Variants in UBE3A observed in about 807,000 individuals in gnomAD.
The protein encoded by UBE3A is ubiquitin-protein ligase E3A.
In UBE3A, 6 loss-of-function variants were observed where a neutral mutation model predicts 83.4. That is an observed-to-expected ratio of 0.07 (90% CI 0.04 to 0.14). UBE3A has a LOEUF of 0.14. Among genes scored for constraint, UBE3A ranks in the 10% least tolerant of loss-of-function variants. The pLI is 1.00. For synonymous variants in UBE3A, 337 were observed against 355.4 expected (o/e 0.95, Z 0.58); for missense variants, 456 against 1,036.1 (o/e 0.44, Z 7.69).
intron 4 of UBE3A, among the ~76,000 whole-genome samples, chr15:25,381,467 G>T (rs954860483): frequency 6.6e-6 from 1 of 151,874 alleles, no homozygotes; most frequent in African/African-American, 2.4e-5. Context: ...AAAAACTAAT[G>T]GTGAACAAAG....
intron 6 of UBE3A, among the ~76,000 whole-genome samples, chr15:25,364,892 C>T (rs546853037): frequency 2.4e-4 from 36 of 151,742 alleles, no homozygotes; most frequent in African/African-American, 8.7e-4. Flanking sequence ...GTGATCTGCC[C>T]GCCTTGGCCT....
rs11413336 is a variant in UBE3A at position 25,406,856 on chromosome 15, G to GAAAAAAAAAAAAAAAAA, written c.21-1371_21-1355dup. Among the ~76,000 whole-genome samples the GAAAAAAAAAAAAAAAAA allele has an allele frequency of 4.4e-5, 5 of 114,682 alleles. 1 individual carries two copies. The highest frequency in any genetic ancestry group is 5.0e-5 in the Non-Finnish European group (3 of 59,794). 75.2% of individuals were successfully genotyped at this position (114,682 alleles called of 152,430 possible). Reference sequence around the variant, plus strand: ...GATTCCAAGGACAAGAATGGAAAAGGAAAAAAAAAAAAAAAAAAGACTCCA... The same window carrying GAAAAAAAAAAAAAAAAA: ...GATTCCAAGGACAAGAATGGAAAAGGAAAAAAAAAAAAAAAAAAAAAAAAAAAAAAAAAAAGACTCCA... On this transcript the variant is annotated intron_variant, in intron 3 of 12. Transcript: ENST00000648336.
At chr15:25,382,002 A>G (rs1222831551) in intron 4 of UBE3A, among the ~76,000 whole-genome samples, 1 of 152,248 alleles carries the variant, frequency 6.6e-6, no homozygotes, top group Admixed American at 6.5e-5. Context: ...GTTGTTTGAA[A>G]TATAGGTTAA....
chr15:25,344,983 C>T (rs1028536400), intron 11 of UBE3A, among the ~76,000 whole-genome samples: 2 of 152,034 alleles, frequency 1.3e-5, no homozygotes, highest in African/African-American at 4.8e-5. Flanking sequence ...TTTATTCCCT[C>T]CCAACCTCCC....
chr15:25,345,546 G>A (rs2075536436), intron 11 of UBE3A: 1 of 142,320 alleles, frequency 7.0e-6, no homozygotes, highest in Non-Finnish European at 1.5e-5. Context: ...CCTCGTCCAA[G>A]TATGAGAAAC....
At position 25,360,498 on chromosome 15, in the gene UBE3A, T is replaced by C; in HGVS notation, c.1638A>G (p.Ala546=). 6.2e-7 allele frequency: 1 copy of C among 1,613,818 alleles called. No individual in the cohort carries two copies. The highest frequency in any genetic ancestry group is 8.5e-7 in the Non-Finnish European group (1 of 1,179,924). ...CCACATACAACTGCTTCTTCAAGTC[T>C]GCAGGATTTTCCATAGCGATCATCT... is the stretch of plus-strand genomic sequence containing the variant. ...RLEMIAMENP[A]DLKKQLYVEF... is the part of the protein sequence containing the mutation. Residue 546 remains alanine, a synonymous_variant, in exon 7 of 13, where the codon GCA becomes GCG. Transcript: ENST00000648336.
At chr15:25,416,788 A>G (rs1887083374) in intron 1 of UBE3A, among the ~76,000 whole-genome samples, 1 of 152,148 alleles carries the variant, frequency 6.6e-6, no homozygotes, top group African/African-American at 2.4e-5. Flanking sequence ...GACCTTGGAT[A>G]ACAGGCAGCA....
rs772950131 is a variant in UBE3A at position 25,334,745 on chromosome 15, A to G, written c.*4392T>C. ...TAAGACTGAGAATCCAGAAAGTCTT[A>G]TATTTATGGTCAACTGTTCTTTGAC... On this transcript the variant is annotated 3_prime_UTR_variant, in exon 13 of 13. Coordinates refer to ENST00000648336, the MANE Select transcript of UBE3A (RefSeq NM_130839.5). 4.6e-5 allele frequency: 7 copies of G among 152,246 alleles called. No individual in the cohort carries two copies. Among genetic ancestry groups the G allele is most frequent in the East Asian group, 1.9e-4 (1 of 5,198 alleles). The allele number at this position is 152,246 out of a possible 1,614,324, so 9.4% of individuals were successfully genotyped here. A position where few individuals can be genotyped will look rare whatever the true frequency, so the allele number is the denominator to read the frequency against.
In UBE3A at chr15:25,338,518, T is replaced by A. The variant is rs891695372; in HGVS notation, c.*619A>T. ...TCCAATTTCTCCCTTCCTTCCATCTTTCTTTATTGATTGATTCTCAAGATT... is the reference window on the plus strand; with the variant it reads ...TCCAATTTCTCCCTTCCTTCCATCTATCTTTATTGATTGATTCTCAAGATT... On this transcript the variant is annotated 3_prime_UTR_variant, in exon 13 of 13. Transcript: ENST00000648336. 2.6e-4 allele frequency: 40 copies of A among 152,124 alleles called. No individual in the cohort carries two copies. Among genetic ancestry groups the A allele is most frequent in the African/African-American group, 9.4e-4 (39 of 41,426 alleles). The allele number at this position is 152,124 out of a possible 1,614,324, so 9.4% of individuals were successfully genotyped here. A position where few individuals can be genotyped will look rare whatever the true frequency, so the allele number is the denominator to read the frequency against.
At chr15:25,421,016 C>A (rs960188265) in intron 1 of UBE3A, among the ~76,000 whole-genome samples, 4 of 152,194 alleles carry the variant, frequency 2.6e-5, no homozygotes, top group African/African-American at 9.6e-5. Flanking sequence ...CATGAATGAA[C>A]TTTGATGACT....
At chr15:25,351,008 AAACT>A (rs1359548099) in intron 11 of UBE3A, among the ~76,000 whole-genome samples, 1 of 152,220 alleles carries the variant, frequency 6.6e-6, no homozygotes. Flanking sequence ...TAATTTTTAA[AAACT>A]AACCCAATTA....
chr15:25,416,858 G>A (rs1025512121), intron 1 of UBE3A, among the ~76,000 whole-genome samples: 1 of 152,126 alleles, frequency 6.6e-6, no homozygotes, highest in Admixed American at 6.5e-5. Flanking sequence ...CTGCTTGGAT[G>A]TCTGCCTGGA....
At chr15:25,362,406 CACTT>C (rs924015180) in intron 6 of UBE3A, among the ~76,000 whole-genome samples, 24 of 152,318 alleles carry the variant, frequency 1.6e-4, no homozygotes, top group Admixed American at 5.2e-4. Context: ...TCCCAACTCT[CACTT>C]ACCATAACTT....
chr15:25,395,575 T>C (rs1449412432), intron 4 of UBE3A, among the ~76,000 whole-genome samples: 1 of 152,282 alleles, frequency 6.6e-6, no homozygotes, highest in East Asian at 1.9e-4. Flanking sequence ...AAGCTGTTAT[T>C]GACTGAGATG....
At chr15:25,410,775 A>C (rs557522899) in intron 2 of UBE3A, among the ~76,000 whole-genome samples, 1 of 152,274 alleles carries the variant, frequency 6.6e-6, no homozygotes, top group South Asian at 2.1e-4. Flanking sequence ...GAAATAACGC[A>C]ATCTCCCAGA....
At chr15:25,419,947 T>A (rs990295758) in intron 1 of UBE3A, among the ~76,000 whole-genome samples, 2 of 151,946 alleles carry the variant, frequency 1.3e-5, no homozygotes, top group Non-Finnish European at 1.5e-5. Context: ...AAATGCTCCA[T>A]TAACCGAAAA....
At chr15:25,414,804 TAAAGCC>T (rs1423152577) in intron 1 of UBE3A, among the ~76,000 whole-genome samples, 3 of 152,338 alleles carry the variant, frequency 2.0e-5, no homozygotes, top group Admixed American at 1.3e-4. Context: ...GCTTCCAGAA[TAAAGCC>T]AAAGCTCCCA....
chr15:25,364,035 CTAAT>C (rs1316995531), intron 6 of UBE3A, among the ~76,000 whole-genome samples: 1 of 47,728 alleles, frequency 2.1e-5, no homozygotes, highest in Non-Finnish European at 4.4e-5. Context: ...CTACAAAAAA[CTAAT>C]AAATAAATAA....
chr15:25,356,148 C>A, intron 8 of UBE3A, 92 bp from the exon 9 acceptor site: 1 of 1,479,360 alleles, frequency 6.8e-7, no homozygotes, highest in Non-Finnish European at 9.4e-7. Context: ...CAACAAAAAT[C>A]TTATCAATAA....
Sources: gnomAD v4.1 joint callset for allele counts (sites outside exome capture counted in the v4.1 genomes callset) on GRCh38, gnomAD v4.1.1 for gene constraint, MANE v1.5 for transcripts, NCBI Gene and HGNC (gene_info 2026-07-23, HGNC 2026-07-21) for gene names.